Variants in KCNIP1 observed in about 807,000 individuals in gnomAD.
KCNIP1 encodes the protein potassium voltage-gated channel interacting protein 1, also known as A-type potassium channel modulatory protein KCNIP1.
KCNIP1 carries 18 observed loss-of-function variants against 33.0 expected under a neutral mutation model. That is an observed-to-expected ratio of 0.55 (90% CI 0.38 to 0.81). The LOEUF is 0.81. Ranked by LOEUF, KCNIP1 falls within the 30% of genes least tolerant of loss-of-function variation. KCNIP1 has a pLI of 0.00. For synonymous variants in KCNIP1, 93 were observed against 98.3 expected, an observed-to-expected ratio of 0.95 and a Z score of 0.32; for missense variants, 238 against 271.6, an observed-to-expected ratio of 0.88 and a Z score of 0.87.
intron 1 of KCNIP1, among the ~76,000 whole-genome samples, chr5:170,409,957 GGCTA>G (rs1232262464): frequency 6.6e-6 from 1 of 151,852 alleles, no homozygotes; most frequent in East Asian, 1.9e-4. Flanking sequence ...ATATCTAAGA[GGCTA>G]GCTGTTAGCA....
At chr5:170,638,892 G>A (rs1223922956) in intron 1 of KCNIP1, among the ~76,000 whole-genome samples, 1 of 152,216 alleles carries the variant, frequency 6.6e-6, no homozygotes, top group Non-Finnish European at 1.5e-5. Context: ...CCAGCAGAGG[G>A]CAGCAGCAGC....
At chr5:170,574,503 C>T (rs1757527215) in intron 1 of KCNIP1, among the ~76,000 whole-genome samples, 1 of 152,230 alleles carries the variant, frequency 6.6e-6, no homozygotes, top group South Asian at 2.1e-4. Flanking sequence ...GGAGCACCTC[C>T]TCCTACCACA....
chr5:170,478,155 A>G (rs987154820), intron 1 of KCNIP1, among the ~76,000 whole-genome samples: 8 of 152,210 alleles, frequency 5.3e-5, no homozygotes, highest in African/African-American at 1.7e-4. Context: ...ACAGTGGTCA[A>G]ATGATAGAAG....
intron 1 of KCNIP1, among the ~76,000 whole-genome samples, chr5:170,508,819 T>A (rs1754818230): frequency 6.6e-6 from 1 of 152,174 alleles, no homozygotes; most frequent in South Asian, 2.1e-4. Flanking sequence ...AAGTGATTTC[T>A]CCCATCTGAA....
rs1218281996 is a variant in KCNIP1, at chr5:170,471,204, C to T, written c.88+117240C>T. On this transcript the variant is annotated intron_variant, in intron 1 of 7. Coordinates refer to the KCNIP1 transcript ENST00000377360. The stretch of plus-strand genomic sequence containing the variant: ...CCTAAGAGGGGTCTGTGCTCCATCT[C>T]GCCCCCTATCTTGAACTATCGGTTG... Among the ~76,000 whole-genome samples, 4 of 152,264 alleles carry T rather than the reference C, an allele frequency of 2.6e-5. No individual in the cohort carries two copies. The South Asian group carries it at 6.2e-4, about 24-fold the overall frequency.
At chr5:170,360,577 T>A (rs1763481709) in intron 1 of KCNIP1, among the ~76,000 whole-genome samples, 1 of 152,234 alleles carries the variant, frequency 6.6e-6, no homozygotes, top group African/African-American at 2.4e-5. Context: ...TGAGCCTCTG[T>A]GGGTCAAGTC....
Position 170,514,928 on chromosome 5 carries a change from A to G in KCNIP1, c.61+10295A>G, listed in dbSNP as rs548020860. 2.6e-5 allele frequency among the ~76,000 whole-genome samples: 4 copies of G among 152,316 alleles called. No individual in the cohort carries two copies. The South Asian group carries it at 8.3e-4, about 32-fold the overall frequency. ...CCACTCTAAGCGCTTTCGGTACATT[A>G]AGCTAATTTAATCCTCACAACAACC... On this transcript the variant is annotated intron_variant, in intron 1 of 7. Transcript: ENST00000328939.
At chr5:170,686,196 T>G (rs1762531878) in intron 1 of KCNIP1, among the ~76,000 whole-genome samples, 1 of 152,154 alleles carries the variant, frequency 6.6e-6, no homozygotes, top group Admixed American at 6.5e-5. Flanking sequence ...ATTAGAGGAA[T>G]GAAATGAACC....
chr5:170,718,745 C>T lies in KCNIP1; in HGVS notation c.62-13C>T, dbSNP rs10039251. 156,871 of 1,612,326 alleles carry T rather than the reference C, an allele frequency of 0.097. 9,257 individuals carry two copies. Among genetic ancestry groups the T allele is most frequent in the African/African-American group, 0.25 (18,799 of 74,686 alleles). ...AAGCTCAACCATTCCAATGCCATCT[C>T]CTCTGGTTCCAGATAAGATTGAAGA... On this transcript the variant is annotated splice_polypyrimidine_tract_variant and intron_variant, in intron 1 of 7. Transcript: ENST00000328939.
chr5:170,681,018 T>C (rs1762324139), intron 1 of KCNIP1: 1 of 399,262 alleles, frequency 2.5e-6, no homozygotes, highest in African/African-American at 2.1e-5. Flanking sequence ...CCTGGTTTTC[T>C]GGCTTTGAAT....
intron 1 of KCNIP1, among the ~76,000 whole-genome samples, chr5:170,544,096 A>ACACTTAGTTGTCAAATTCAAGATAAC (rs1272862418): frequency 1.1e-4 from 17 of 152,260 alleles, no homozygotes; most frequent in African/African-American, 3.9e-4. Flanking sequence ...TTGAATAATG[A>ACACTTAGTTGTCAAATTCAAGATAAC]CACTTAGTTG....
At chr5:170,481,139 A>G (rs1756969236) in intron 1 of KCNIP1, among the ~76,000 whole-genome samples, 1 of 152,200 alleles carries the variant, frequency 6.6e-6, no homozygotes, top group Non-Finnish European at 1.5e-5. Context: ...TTTGATATTC[A>G]AAATCTCAGA....
intron 1 of KCNIP1, among the ~76,000 whole-genome samples, chr5:170,585,447 C>A (rs773475688): frequency 6.6e-6 from 1 of 152,148 alleles, no homozygotes; most frequent in Non-Finnish European, 1.5e-5. Context: ...GTATTTTCCC[C>A]GAAGCCTCTC....
intron 1 of KCNIP1, among the ~76,000 whole-genome samples, chr5:170,533,566 C>T (rs557153234): frequency 1.4e-4 from 22 of 152,270 alleles, no homozygotes; most frequent in African/African-American, 4.8e-4. Flanking sequence ...TGGGAGGGTC[C>T]AGCACGTGGA....
At chr5:170,355,215 C>T (rs1330644311) in intron 1 of KCNIP1, among the ~76,000 whole-genome samples, 1 of 152,152 alleles carries the variant, frequency 6.6e-6, no homozygotes, top group Non-Finnish European at 1.5e-5. Context: ...GGGCTGAGCC[C>T]CCAATGTGGA....
chr5:170,519,700 A>G (rs967138073), intron 1 of KCNIP1, among the ~76,000 whole-genome samples: 3 of 152,178 alleles, frequency 2.0e-5, no homozygotes, highest in Admixed American at 1.3e-4. Context: ...GAGTTGATTT[A>G]TTATTCTCCC....
In KCNIP1 at chr5:170,670,933, C is replaced by T. The variant is rs1761898267; in HGVS notation, c.62-47825C>T. Reference sequence around the variant, plus strand: ...AAAAAATAAAAAAAAAAGAAGAGGACATCTGGAGCAGGCCTGTGAACCTGA... The same window carrying T: ...AAAAAATAAAAAAAAAAGAAGAGGATATCTGGAGCAGGCCTGTGAACCTGA... On this transcript the variant is annotated intron_variant, in intron 1 of 7. Transcript: ENST00000328939. Among the ~76,000 whole-genome samples, 4 of 151,304 alleles carry T rather than the reference C, an allele frequency of 2.6e-5. No individual in the cohort carries two copies. In the South Asian group the frequency reaches 8.5e-4, roughly 32 times the overall value.
chr5:170,724,094 A>G (rs533566827), intron 5 of KCNIP1, among the ~76,000 whole-genome samples: 4 of 152,326 alleles, frequency 2.6e-5, no homozygotes, highest in Admixed American at 2.6e-4. Context: ...GCAAAAACAG[A>G]CTTAAAAAGA....
intron 1 of KCNIP1, among the ~76,000 whole-genome samples, chr5:170,602,081 C>T (rs1316007120): frequency 2.0e-5 from 3 of 152,238 alleles, no homozygotes; most frequent in South Asian, 2.1e-4. Flanking sequence ...CATCACCCCA[C>T]AGCACATGCC....
Sources: allele counts gnomAD v4.1 joint callset (sites outside exome capture counted in the v4.1 genomes callset), GRCh38; gene constraint gnomAD v4.1.1; transcripts MANE v1.5; gene names NCBI Gene and HGNC (gene_info 2026-07-23, HGNC 2026-07-21).